Variants in DLGAP2 observed in about 807,000 individuals in gnomAD.
The protein encoded by DLGAP2 is disks large-associated protein 2.
In DLGAP2, 26 loss-of-function variants were observed where a neutral mutation model predicts 100.3. The observed-to-expected ratio is 0.26, with a 90% CI of 0.19 to 0.36. The LOEUF (loss-of-function observed/expected upper bound fraction) is 0.36, where lower values mean the gene tolerates loss of function less well. DLGAP2 is among the 10% of genes least tolerant of loss of function. The pLI is 1.00. For missense variants in DLGAP2, 1,858 were observed against 1,453.2 expected, an observed-to-expected ratio of 1.28 and a Z score of -4.53; for synonymous variants, 886 against 630.1, an observed-to-expected ratio of 1.41 and a Z score of -6.08.
chr8:1,199,499 A>G (rs1797823469), intron 2 of DLGAP2, among the ~76,000 whole-genome samples: 1 of 152,200 alleles, frequency 6.6e-6, no homozygotes, highest in Non-Finnish European at 1.5e-5. Context: ...AGTCCAGTGA[A>G]GGCTGCCTGT....
intron 2 of DLGAP2, among the ~76,000 whole-genome samples, chr8:1,156,001 G>C (rs1021189440): frequency 6.6e-6 from 1 of 152,192 alleles, no homozygotes; most frequent in Non-Finnish European, 1.5e-5. Context: ...CAGAGGGCCT[G>C]TGGGCCGGTG....
At chr8:1,003,335 T>A (rs534982649) in intron 2 of DLGAP2, 1 of 152,272 alleles carries the variant, frequency 6.6e-6, no homozygotes, top group Non-Finnish European at 1.5e-5. Context: ...TTTTCATGGG[T>A]GGCCCGACGG....
intron 6 of DLGAP2, among the ~76,000 whole-genome samples, chr8:1,606,330 A>C (rs1796797943): frequency 6.6e-6 from 1 of 152,166 alleles, no homozygotes; most frequent in Non-Finnish European, 1.5e-5. Flanking sequence ...TTATTTATGG[A>C]CTTGCGCGAA....
intron 2 of DLGAP2, among the ~76,000 whole-genome samples, chr8:1,098,506 C>G (rs556783692): frequency 1.3e-5 from 2 of 152,264 alleles, no homozygotes; most frequent in African/African-American, 4.8e-5. Context: ...GGGAATGCAG[C>G]CAGTGTTTGT....
chr8:1,043,939 A>C (rs950692579), intron 2 of DLGAP2, among the ~76,000 whole-genome samples: 6 of 146,310 alleles, frequency 4.1e-5, no homozygotes, highest in African/African-American at 1.5e-4. Context: ...GCTGGGGTGC[A>C]GTTGCTTGTG....
chr8:985,163 G>C (rs1349932614), intron 2 of DLGAP2, among the ~76,000 whole-genome samples: 1 of 152,218 alleles, frequency 6.6e-6, no homozygotes, highest in African/African-American at 2.4e-5. Flanking sequence ...GCATGGTTGT[G>C]TGCAGGTTAC....
At chr8:766,960 G>C (rs1451974303) in intron 1 of DLGAP2, among the ~76,000 whole-genome samples, 1 of 152,212 alleles carries the variant, frequency 6.6e-6, no homozygotes, top group Non-Finnish European at 1.5e-5. Context: ...CTCAGCAGGA[G>C]CACAGCTTCC....
intron 13 of DLGAP2, among the ~76,000 whole-genome samples, chr8:1,695,279 C>T (rs1799358287): frequency 1.3e-5 from 2 of 149,606 alleles, no homozygotes; most frequent in Non-Finnish European, 3.0e-5. Context: ...CCCGGCCCTA[C>T]AGAAAGAGGG....
chr8:1,641,743 C>A (rs1797905332), intron 8 of DLGAP2, among the ~76,000 whole-genome samples: 1 of 152,124 alleles, frequency 6.6e-6, no homozygotes, highest in Admixed American at 6.5e-5. Flanking sequence ...AACATCTTAT[C>A]ACCCAGAAAA....
In DLGAP2 at chr8:1,583,200, A is replaced by G. The variant is rs1796001144; in HGVS notation, c.1442+17306A>G. 3.9e-5 allele frequency among the ~76,000 whole-genome samples: 6 copies of G among 152,204 alleles called. No homozygotes were observed. The South Asian group carries it at 1.2e-3, about 31-fold the overall frequency. On this transcript the variant is annotated intron_variant, in intron 6 of 14. Transcript: ENST00000637795. ...TCCGTTTTGGGATATGTTTGTGAGT[A>G]GGCTATTTAAGTCATGAGATGGCTC...
At chr8:827,079 G>A (rs1796697041) in intron 1 of DLGAP2, among the ~76,000 whole-genome samples, 1 of 152,130 alleles carries the variant, frequency 6.6e-6, no homozygotes, top group African/African-American at 2.4e-5. Flanking sequence ...AGACATTTTT[G>A]GTCACACAGT....
At chr8:1,220,783 C>G (rs1175096814) in intron 2 of DLGAP2, among the ~76,000 whole-genome samples, 3 of 152,198 alleles carry the variant, frequency 2.0e-5, no homozygotes, top group Admixed American at 6.5e-5. Flanking sequence ...TCTGGGTACT[C>G]TAGCATTGGG....
At position 959,108 on chromosome 8, in the gene DLGAP2, C is replaced by T. The variant is rs1207912243; in HGVS notation, c.73+51142C>T. On this transcript the variant is annotated intron_variant, in intron 2 of 14. Coordinates refer to ENST00000637795, the MANE Select transcript of DLGAP2 (RefSeq NM_001346810.2). Reference sequence around the variant, plus strand: ...GTGCTTGCATATGACTAAAAGCTAACAGTAATAAAGTGATAATATGTATTG... The same window carrying T: ...GTGCTTGCATATGACTAAAAGCTAATAGTAATAAAGTGATAATATGTATTG... Among the ~76,000 whole-genome samples, 3 of 152,058 alleles carry T rather than the reference C, an allele frequency of 2.0e-5. No homozygotes were observed. In the East Asian group the frequency reaches 5.8e-4, roughly 29 times the overall value.
chr8:1,199,606 C>G (rs553094915), intron 2 of DLGAP2, among the ~76,000 whole-genome samples: 1 of 152,102 alleles, frequency 6.6e-6, no homozygotes, highest in Non-Finnish European at 1.5e-5. Flanking sequence ...TCTTCATGAG[C>G]CAAACTCATG....
intron 5 of DLGAP2, among the ~76,000 whole-genome samples, chr8:1,557,150 A>T (rs570395907): frequency 1.3e-5 from 2 of 152,196 alleles, no homozygotes; most frequent in Non-Finnish European, 2.9e-5. Context: ...AGTGACAACC[A>T]AACATATCTC....
chr8:1,524,526 G>A (rs376118250), intron 4 of DLGAP2, among the ~76,000 whole-genome samples: 55 of 152,262 alleles, frequency 3.6e-4, no homozygotes, highest in African/African-American at 1.2e-3. Flanking sequence ...ACCAAGGTAT[G>A]GCAGAGCTGA....
chr8:1,429,096 C>A (rs1445503156), intron 3 of DLGAP2, among the ~76,000 whole-genome samples: 1 of 152,172 alleles, frequency 6.6e-6, no homozygotes, highest in Non-Finnish European at 1.5e-5. Flanking sequence ...CAGAAAATTT[C>A]ATAAGTTGTT....
chr8:799,339 G>C (rs1012436317), intron 1 of DLGAP2, among the ~76,000 whole-genome samples: 1 of 152,232 alleles, frequency 6.6e-6, no homozygotes, highest in East Asian at 1.9e-4. Flanking sequence ...GGGCAGAGGA[G>C]GGAGTGTGGC....
At chr8:809,319 G>A (rs1436774405) in intron 1 of DLGAP2, among the ~76,000 whole-genome samples, 1 of 152,090 alleles carries the variant, frequency 6.6e-6, no homozygotes, top group Non-Finnish European at 1.5e-5. Context: ...TTTTCATTTA[G>A]GGTTCTTTCT....
Sources: gnomAD v4.1 joint callset for allele counts (sites outside exome capture counted in the v4.1 genomes callset) on GRCh38, gnomAD v4.1.1 for gene constraint, MANE v1.5 for transcripts, NCBI Gene and HGNC (gene_info 2026-07-23, HGNC 2026-07-21) for gene names.